TTN: variants seen among roughly 807,000 people sequenced by gnomAD.
The protein encoded by TTN is connectin.
TTN carries 1,525 observed loss-of-function variants against 3,223.0 expected under a neutral mutation model. That is an observed-to-expected ratio of 0.47 (90% CI 0.45 to 0.49). The LOEUF (loss-of-function observed/expected upper bound fraction) is 0.49, where lower values mean the gene tolerates loss of function less well. TTN is among the 20% of genes least tolerant of loss of function. The pLI, the probability that TTN is intolerant of heterozygous loss-of-function variation, is 0.00. For synonymous variants in TTN, 14,094 were observed against 15,161.0 expected, an observed-to-expected ratio of 0.93 and a Z score of 5.17; for missense variants, 40,786 against 43,424.0, an observed-to-expected ratio of 0.94 and a Z score of 5.40.
chr2:178,799,659 G>C lies in TTN; in HGVS notation c.742C>G (p.Gln248Glu). ...CTGGGAGGTGTTTTATGTGGCAGCTGTTGCCCAGCGGCACCATCTATGACC... is the reference window on the plus strand; with the variant it reads ...CTGGGAGGTGTTTTATGTGGCAGCTCTTGCCCAGCGGCACCATCTATGACC... ...EMVIDGAAGQ[Q>E]LPHKTPPRIP... The change falls in exon 6 of 363, where the codon CAG (glutamine) becomes GAG (glutamate). Residue 248 changes from glutamine to glutamate, a missense_variant. Coordinates refer to ENST00000589042, the MANE Select transcript of TTN (RefSeq NM_001267550.2). 6 of 1,614,142 alleles carry C rather than the reference G, an allele frequency of 3.7e-6. No individual in the cohort carries two copies. Among genetic ancestry groups the C allele is most frequent in the Non-Finnish European group, 5.1e-6 (6 of 1,180,022 alleles).
At position 178,704,133 on chromosome 2, in the gene TTN, A is replaced by G. The variant is rs1294438197; in HGVS notation, c.30223+14T>C. ...TATGCTGTACCCACAAGGACTCCAT[A>G]GTGTTTCACGCACCTTCGATTCTGA... On this transcript the variant is annotated intron_variant, in intron 106 of 362. Coordinates refer to ENST00000589042, the MANE Select transcript of TTN (RefSeq NM_001267550.2). 6.2e-7 allele frequency: 1 copy of G among 1,612,572 alleles called. No individual in the cohort carries two copies. Among genetic ancestry groups the G allele is most frequent in the Non-Finnish European group, 8.5e-7 (1 of 1,179,512 alleles).
chr2:178,699,172 T>C (rs911862601), intron 111 of TTN, among the ~76,000 whole-genome samples: 3 of 151,770 alleles, frequency 2.0e-5, no homozygotes, highest in African/African-American at 7.3e-5. Context: ...GAGTTAAAGT[T>C]TTCAGAACAT....
At chr2:178,748,019 AAT>A in intron 47 of TTN, 1 of 1,612,976 alleles carries the variant, frequency 6.2e-7, no homozygotes, top group Middle Eastern at 1.7e-4. Context: ...CTGCTTTGGA[AAT>A]GCTGCCAACT....
chr2:178,783,101 G>C (rs780897904), intron 17 of TTN, 37 bp from the exon 18 acceptor site: 1 of 1,603,842 alleles, frequency 6.2e-7, no homozygotes, highest in Non-Finnish European at 8.5e-7. Flanking sequence ...TGATACGTGT[G>C]CATATTCATT....
intron 250 of TTN, 43 bp from the exon 251 acceptor site, chr2:178,618,896 G>A (rs767874348): frequency 2.4e-5 from 38 of 1,588,674 alleles, no homozygotes; most frequent in Admixed American, 5.4e-5. Flanking sequence ...ACTATTAAAC[G>A]TAGCCAAGCT....
In TTN at chr2:178,572,428, A is replaced by T. The variant is rs1204498573; in HGVS notation, c.73704T>A (p.Thr24568=). The change falls in exon 326 of 363, where the codon ACT becomes ACA. Residue 24568 remains threonine (T), a synonymous_variant. Transcript: ENST00000589042. ...AAGTCTTGTGGCAGTTTGTTGCAAC[A>T]GTTGAATATGCTTTTCTTGTTGATT... ...KRESTRKAYS[T]VATNCHKTSW... The T allele has an allele frequency of 1.9e-6, 3 of 1,612,788 alleles. No individual in the cohort carries two copies. Among genetic ancestry groups the T allele is most frequent in the African/African-American group, 2.7e-5 (2 of 74,908 alleles).
chr2:178,538,764 G>A lies in TTN; in HGVS notation c.99065C>T (p.Pro33022Leu), dbSNP rs987137780. 10 of 1,613,468 alleles carry A rather than the reference G, an allele frequency of 6.2e-6. No individual in the cohort carries two copies. Among genetic ancestry groups the A allele is most frequent in the Non-Finnish European group, 8.5e-6 (10 of 1,179,700 alleles). ...AATTTCTTTACCACCATCACATTCA[G>A]GTTTCTCCCACTGTAGAGTGACACT... is the stretch of plus-strand genomic sequence containing the variant. Reference protein sequence around the residue: ...KDSVTLQWEKPECDGGKEILG... With the variant: ...KDSVTLQWEKLECDGGKEILG... Residue 33022 changes from proline to leucine, a missense_variant, in exon 354 of 363, where the codon CCT becomes CTT. Transcript: ENST00000589042.
chr2:178,601,737 T>C lies in TTN; in HGVS notation c.55353A>G (p.Arg18451=). The C allele has an allele frequency of 6.2e-7, 1 of 1,609,386 alleles. No homozygotes were observed. Among genetic ancestry groups the C allele is most frequent in the African/African-American group, 1.3e-5 (1 of 74,684 alleles). Residue 18451 remains arginine, a synonymous_variant, in exon 286 of 363, where the codon CGA becomes CGG. Coordinates refer to ENST00000589042, the MANE Select transcript of TTN (RefSeq NM_001267550.2). The stretch of plus-strand genomic sequence containing the variant: ...TGATGCTGTATTTGCCTGTATGAGA[T>C]CGTTTACACTCCGGAATAATAATTA... ...SSVIIIPECK[R]SHTGKYSITA... is the part of the protein sequence containing the mutation.
In TTN at chr2:178,767,798, G is replaced by A. The variant is rs1261668697; in HGVS notation, c.9432C>T (p.Gly3144=). 9 of 1,614,078 alleles carry A rather than the reference G, an allele frequency of 5.6e-6. No homozygotes were observed. Among genetic ancestry groups the A allele is most frequent in the Non-Finnish European group, 7.6e-6 (9 of 1,179,990 alleles). The change falls in exon 40 of 363, where the codon GGC becomes GGT. Residue 3144 remains glycine (G), a synonymous_variant. Coordinates refer to ENST00000589042, the MANE Select transcript of TTN (RefSeq NM_001267550.2). ...NVSTAKLFVE[G]RDVRIRSIKK... ...TAATACTTCGGATGCGAACATCTCT[G>A]CCTTCTACAAAGAGTTTTGCAGTTG...
At position 178,781,230 on chromosome 2, in the gene TTN, T is replaced by A. The variant is rs777365068; in HGVS notation, c.3414A>T (p.Glu1138Asp). 1.9e-6 allele frequency: 3 copies of A among 1,614,078 alleles called. No homozygotes were observed. The South Asian group carries it at 3.3e-5, about 18-fold the overall frequency. ...YKVSYNKQTG[E>D]CKLVISMTFA... The stretch of plus-strand genomic sequence containing the variant: ...AAGTCATAGAAATCACCAGCTTGCA[T>A]TCACCGGTTTGTTTGTTGTAACTCA... Residue 1138 changes from glutamate (E) to aspartate (D), a missense_variant, in exon 21 of 363, where the codon GAA becomes GAT. Physicochemically the swap from Glu to Asp is conservative, Grantham distance 45 (BLOSUM62 2). Transcript: ENST00000589042.
chr2:178,713,472 A>T, intron 92 of TTN, 100 bp from the exon 93 acceptor site: 3 of 1,426,398 alleles, frequency 2.1e-6, no homozygotes, highest in Non-Finnish European at 2.8e-6. Flanking sequence ...TTGATGGACT[A>T]TCCCTAGATC....
chr2:178,582,357 T>G lies in TTN; in HGVS notation c.66099A>C (p.Glu22033Asp), dbSNP rs768277403. 19 of 1,610,338 alleles carry G rather than the reference T, an allele frequency of 1.2e-5. No individual in the cohort carries two copies. The South Asian group carries it at 2.0e-4, about 17-fold the overall frequency. The change falls in exon 314 of 363, where the codon GAA becomes GAC. Residue 22033 changes from glutamate (E) to aspartate (D), a missense_variant. By Grantham distance (45) the Glu-to-Asp change is conservative. Transcript: ENST00000589042. ...CTGGATCGCCTACTCCATATTTATT[T>G]TCAGCACAAATACGGAACTGATACT... ...GHEYQFRICA[E>D]NKYGVGDPVF...
chr2:178,626,478 A>G (rs934151429), intron 240 of TTN, among the ~76,000 whole-genome samples: 4 of 151,996 alleles, frequency 2.6e-5, no homozygotes, highest in East Asian at 1.9e-4. Flanking sequence ...ACTGCTTAAG[A>G]GTTTACTTAG....
chr2:178,719,465 G>A lies in TTN; in HGVS notation c.23939-14C>T. ...GCACAATCCGATCTATGTGGGGAAG[G>A]GTAGTTTTGCGTTTAAAGAGAAGTT... is the stretch of plus-strand genomic sequence containing the variant. On this transcript the variant is annotated splice_polypyrimidine_tract_variant and intron_variant, in intron 82 of 362. Coordinates refer to ENST00000589042, the MANE Select transcript of TTN (RefSeq NM_001267550.2). 6.2e-7 allele frequency: 1 copy of A among 1,602,968 alleles called. No individual in the cohort carries two copies. Among genetic ancestry groups the A allele is most frequent in the Non-Finnish European group, 8.5e-7 (1 of 1,173,240 alleles).
At chr2:178,796,031 T>G in intron 6 of TTN, among the ~76,000 whole-genome samples, 1 of 152,366 alleles carries the variant, frequency 6.6e-6, no homozygotes, top group East Asian at 1.9e-4. Context: ...TTTGGGTAAA[T>G]TGATAAAGTT....
At chr2:178,647,832 T>A (rs1046758651) in intron 213 of TTN, among the ~76,000 whole-genome samples, 6 of 152,154 alleles carry the variant, frequency 3.9e-5, no homozygotes, top group African/African-American at 1.4e-4. Context: ...CACTCCCAAC[T>A]TTTATGCTTT....
At chr2:178,646,104 T>TTA (rs71023450) in intron 216 of TTN, 74 bp from the exon 217 acceptor site, 3,900 of 37,560 alleles carry the variant, frequency 0.1, 610 homozygotes, top group Non-Finnish European at 0.12. Flanking sequence ...TTAATAGAAA[T>TTA]TATATATATA....
chr2:178,776,465 A>C lies in TTN; in HGVS notation c.5399T>G (p.Leu1800Arg). 1 of 1,608,296 alleles carries C rather than the reference A, an allele frequency of 6.2e-7. No individual in the cohort carries two copies. The highest frequency in any genetic ancestry group is 8.5e-7 in the Non-Finnish European group (1 of 1,179,984). Residue 1800 changes from leucine to arginine, a missense_variant, in exon 28 of 363, where the codon CTT becomes CGT. Coordinates refer to ENST00000589042, the MANE Select transcript of TTN (RefSeq NM_001267550.2). ...ATLIVKDEKS[L>R]VEESQLPEGR... ...CTCAGGCAATTGGGATTCTTCCACA[A>C]GACTTTTCTCATCTTTAACAATAAG...
In TTN at chr2:178,552,727, C is replaced by T. The variant is rs1699916895; in HGVS notation, c.90173G>A (p.Gly30058Asp). The T allele has an allele frequency of 6.2e-7, 1 of 1,613,952 alleles. No homozygotes were observed. The highest frequency in any genetic ancestry group is 1.7e-5 in the Admixed American group (1 of 60,024). Residue 30058 changes from glycine to aspartate, a missense_variant, in exon 335 of 363, where the codon GGT becomes GAT. By Grantham distance (94) the Gly-to-Asp change is moderately conservative. Coordinates refer to ENST00000589042, the MANE Select transcript of TTN (RefSeq NM_001267550.2). ...AACATATTCTGTGATGACGCTACCACCATCAAAGTCAGGTTTGGTCCAGCT... is the reference window on the plus strand; with the variant it reads ...AACATATTCTGTGATGACGCTACCATCATCAAAGTCAGGTTTGGTCCAGCT... ...ILSWTKPDFDGGSVITEYVVE... is the reference protein window; with the variant it reads ...ILSWTKPDFDDGSVITEYVVE...
Sources: gnomAD v4.1 joint callset for allele counts (sites outside exome capture counted in the v4.1 genomes callset) on GRCh38, gnomAD v4.1.1 for gene constraint, MANE v1.5 for transcripts, NCBI Gene and HGNC (gene_info 2026-07-23, HGNC 2026-07-21) for gene names.